TRDN: variants seen among roughly 807,000 people sequenced by gnomAD.
TRDN encodes the protein triadin.
A neutral mutation model predicts 149.7 loss-of-function variants in TRDN; 161 were observed. That is an observed-to-expected ratio of 1.08 (90% confidence interval 0.95 to 1.23). The LOEUF (loss-of-function observed/expected upper bound fraction) is 1.23. Among genes scored for constraint, TRDN ranks in the 50% most tolerant of loss-of-function variants. TRDN has a pLI of 0.00. For synonymous variants in TRDN, 294 were observed against 250.5 expected (o/e 1.17, Z -1.64); for missense variants, 896 against 823.5 (o/e 1.09, Z -1.08).
chr6:123,472,551 C>G (rs1475596161), intron 9 of TRDN, among the ~76,000 whole-genome samples: 1 of 152,206 alleles, frequency 6.6e-6, no homozygotes, highest in Admixed American at 6.5e-5. Context: ...ACAAAGCAGC[C>G]GGGAAGCTCG....
chr6:123,440,987 C>T (rs563044225), intron 10 of TRDN: 1 of 148,700 alleles, frequency 6.7e-6, no homozygotes, highest in Non-Finnish European at 1.5e-5. Context: ...GAGCAGAAGT[C>T]CACAAAATGC....
intron 1 of TRDN, among the ~76,000 whole-genome samples, chr6:123,591,734 A>C (rs1310825170): frequency 6.6e-6 from 1 of 152,184 alleles, no homozygotes; most frequent in Non-Finnish European, 1.5e-5. Flanking sequence ...TTAATCTATG[A>C]AGAAAAAAAC....
intron 21 of TRDN, chr6:123,350,578 A>G (rs1780424554): frequency 1.4e-6 from 1 of 717,304 alleles, no homozygotes; most frequent in Non-Finnish European, 1.7e-6. Flanking sequence ...ATATGGGACA[A>G]TTTATAGAAT....
intron 4 of TRDN, among the ~76,000 whole-genome samples, chr6:123,543,248 A>C (rs571288266): frequency 6.6e-6 from 1 of 152,294 alleles, no homozygotes; most frequent in South Asian, 2.1e-4. Flanking sequence ...TAGCAATACC[A>C]CATCAAAACT....
Position 123,636,790 on chromosome 6 carries a change from G to A in TRDN, c.-15C>T, listed in dbSNP as rs1049968780. 8 of 1,611,330 alleles carry A rather than the reference G, an allele frequency of 5.0e-6. No individual in the cohort carries two copies. In the African/African-American group the frequency reaches 9.4e-5, roughly 19 times the overall value. On this transcript the variant is annotated 5_prime_UTR_variant, in exon 1 of 41. Coordinates refer to ENST00000334268, the MANE Select transcript of TRDN (RefSeq NM_006073.4). ...ATCTCAGTCATGGTGGTCGTCAAAA[G>A]TAAAAGTCAGTTGAAAAGTTCCCGT...
chr6:123,609,683 C>T (rs1235883176), intron 1 of TRDN, among the ~76,000 whole-genome samples: 3 of 152,150 alleles, frequency 2.0e-5, no homozygotes, highest in Non-Finnish European at 2.9e-5. Context: ...ACTTCACTCA[C>T]GTATCTCCTC....
intron 24 of TRDN, among the ~76,000 whole-genome samples, chr6:123,302,988 T>G: frequency 6.6e-6 from 1 of 152,308 alleles, no homozygotes; most frequent in South Asian, 2.1e-4. Context: ...TTTAGGCATT[T>G]TCATTATGTC....
chr6:123,614,145 T>A (rs1321327981), intron 1 of TRDN, among the ~76,000 whole-genome samples: 15 of 151,988 alleles, frequency 9.9e-5, no homozygotes, highest in Admixed American at 8.5e-4. Flanking sequence ...AATCAGAACC[T>A]GCCTTTTGAC....
At chr6:123,551,950 T>G (rs904932534) in intron 2 of TRDN, among the ~76,000 whole-genome samples, 4 of 152,094 alleles carry the variant, frequency 2.6e-5, no homozygotes, top group Non-Finnish European at 5.9e-5. Flanking sequence ...ATAAAAAAGC[T>G]TGCAGCTGCT....
intron 1 of TRDN, among the ~76,000 whole-genome samples, chr6:123,587,201 G>T (rs569576137): frequency 1.3e-5 from 2 of 152,274 alleles, no homozygotes; most frequent in South Asian, 4.1e-4. Flanking sequence ...TCCCTGCGTG[G>T]TCTGACACCT....
At chr6:123,474,681 C>G (rs1777368859) in intron 9 of TRDN, among the ~76,000 whole-genome samples, 1 of 151,826 alleles carries the variant, frequency 6.6e-6, no homozygotes, top group Admixed American at 6.6e-5. Flanking sequence ...GGAAGTAAAG[C>G]TCTCCTCAGC....
chr6:123,272,644 G>T (rs946102273), intron 29 of TRDN, among the ~76,000 whole-genome samples: 8 of 151,894 alleles, frequency 5.3e-5, no homozygotes, highest in African/African-American at 1.2e-4. Context: ...TTACAAGTTT[G>T]CTCAGAATGC....
chr6:123,442,614 G>C (rs1372412043), intron 10 of TRDN, among the ~76,000 whole-genome samples: 2 of 151,588 alleles, frequency 1.3e-5, no homozygotes, highest in Non-Finnish European at 2.9e-5. Context: ...AGATAACTGG[G>C]CTAAAATGCC....
chr6:123,369,223 G>A (rs1223425860), intron 19 of TRDN, among the ~76,000 whole-genome samples: 2 of 152,104 alleles, frequency 1.3e-5, no homozygotes, highest in East Asian at 3.9e-4. Flanking sequence ...ATGCATCTGT[G>A]TGTCCCAAAT....
At chr6:123,535,581 G>T (rs1264212308) in intron 4 of TRDN, among the ~76,000 whole-genome samples, 1 of 152,058 alleles carries the variant, frequency 6.6e-6, no homozygotes, top group Non-Finnish European at 1.5e-5. Flanking sequence ...TTTCATTAAG[G>T]AACTCAGAGA....
In TRDN at chr6:123,394,319, TATATG is replaced by T. The variant is rs1772633613; in HGVS notation, c.1052-647_1052-643del. 5.3e-5 allele frequency among the ~76,000 whole-genome samples: 8 copies of T among 152,286 alleles called. No individual in the cohort carries two copies. In the South Asian group the frequency reaches 1.7e-3, roughly 32 times the overall value. On this transcript the variant is annotated intron_variant, in intron 12 of 40. Coordinates refer to ENST00000334268, the MANE Select transcript of TRDN (RefSeq NM_006073.4). ...AAAAAGGATTTATTAAAAAAAAACT[TATATG>T]ATAAACATTTAAATATACTTAATCA...
intron 1 of TRDN, among the ~76,000 whole-genome samples, chr6:123,575,376 G>A (rs181060226): frequency 1.8e-3 from 271 of 152,176 alleles, no homozygotes; most frequent in Middle Eastern, 6.8e-3. Context: ...TTCTCTGACA[G>A]CTGGTCAAGA....
intron 9 of TRDN, among the ~76,000 whole-genome samples, chr6:123,496,412 A>G (rs1258395921): frequency 6.6e-6 from 1 of 152,000 alleles, no homozygotes; most frequent in Non-Finnish European, 1.5e-5. Flanking sequence ...AAATAAAAAT[A>G]TAGCTGTCTT....
chr6:123,326,603 T>C (rs1374411311), intron 23 of TRDN, among the ~76,000 whole-genome samples: 2 of 152,006 alleles, frequency 1.3e-5, no homozygotes, highest in Non-Finnish European at 2.9e-5. Flanking sequence ...GAATGTCCTA[T>C]ACAAAACTTC....
Sources: gnomAD v4.1 joint callset for allele counts (sites outside exome capture counted in the v4.1 genomes callset) on GRCh38, gnomAD v4.1.1 for gene constraint, MANE v1.5 for transcripts, NCBI Gene and HGNC (gene_info 2026-07-23, HGNC 2026-07-21) for gene names.